The following MTMR3 variants were observed in gnomAD, a reference collection of about 807,000 sequenced individuals.
MTMR3 encodes the protein phosphatidylinositol-3,5-bisphosphate 3-phosphatase MTMR3.
MTMR3 carries 32 observed loss-of-function variants against 132.4 expected under a neutral mutation model. That is an observed-to-expected ratio of 0.24 (90% CI 0.18 to 0.32). The LOEUF (loss-of-function observed/expected upper bound fraction) is 0.32. Ranked by LOEUF, MTMR3 falls within the 10% of genes least tolerant of loss-of-function variation. MTMR3 has a pLI of 1.00. For synonymous variants in MTMR3, 556 were observed against 550.3 expected (o/e 1.01, Z -0.14); for missense variants, 1,216 against 1,489.6 (o/e 0.82, Z 3.02).
chr22:29,979,417 G>T (rs375007567), intron 5 of MTMR3: 3 of 214,504 alleles, frequency 1.4e-5, no homozygotes, highest in East Asian at 1.4e-4. Flanking sequence ...GCATGAACCC[G>T]GGAGGTGGAG....
chr22:29,957,397 A>G (rs1303783757), intron 2 of MTMR3, among the ~76,000 whole-genome samples: 2 of 150,228 alleles, frequency 1.3e-5, no homozygotes, highest in Non-Finnish European at 3.0e-5. Context: ...AAATAAATAG[A>G]TTTATCAATC....
At chr22:30,009,735 T>C (rs1178171706) in intron 12 of MTMR3, 1 of 152,240 alleles carries the variant, frequency 6.6e-6, no homozygotes, top group Non-Finnish European at 1.5e-5. Flanking sequence ...ACTGATTGAA[T>C]ACAAGATAAA....
At chr22:29,929,595 C>T (rs529990454) in intron 1 of MTMR3, among the ~76,000 whole-genome samples, 2 of 151,810 alleles carry the variant, frequency 1.3e-5, no homozygotes, top group South Asian at 2.1e-4. Flanking sequence ...CTGCAACCTC[C>T]GCCTCCCAGG....
At chr22:29,979,207 GC>G (rs755966880) in intron 5 of MTMR3, 155 bp downstream of exon 5, 50 of 565,874 alleles carry the variant, frequency 8.8e-5, no homozygotes, top group Non-Finnish European at 1.5e-4. Context: ...AGGAACACTG[GC>G]TTGGCCAGGC....
Position 29,898,912 on chromosome 22 carries a change from C to CTT in MTMR3, c.-138+15567_-138+15568dup, listed in dbSNP as rs199656050. On this transcript the variant is annotated intron_variant, in intron 1 of 19. Coordinates refer to ENST00000401950, the MANE Select transcript of MTMR3 (RefSeq NM_021090.4). ...GAAAATTTACAAAAATTTCTCACATCTTTTTTTTTTTTTTTAATGAAAGTA... is the reference window on the plus strand; with the variant it reads ...GAAAATTTACAAAAATTTCTCACATCTTTTTTTTTTTTTTTTTAATGAAAGTA... Among the ~76,000 whole-genome samples the CTT allele has an allele frequency of 8.1e-3, 1,156 of 143,022 alleles. 9 individuals carry two copies. The highest frequency in any genetic ancestry group is 0.028 in the South Asian group (126 of 4,494). The allele number at this position is 143,022 out of a possible 152,430, so 93.8% of individuals were successfully genotyped here.
In MTMR3 at chr22:29,999,826, A is replaced by G. The variant is rs1476012789; in HGVS notation, c.557+969A>G. The stretch of plus-strand genomic sequence containing the variant: ...CAGGAGTTCGAGACCAGCCCAGCCA[A>G]CATGGCGAAACACTGTCTCTACTAA... On this transcript the variant is annotated intron_variant, in intron 8 of 19. Transcript: ENST00000401950. 3.3e-5 allele frequency: 5 copies of G among 152,300 alleles called. No individual in the cohort carries two copies. The East Asian group carries it at 9.7e-4, about 30-fold the overall frequency. 9.4% of individuals were successfully genotyped at this position (152,300 alleles called of 1,614,324 possible).
At chr22:30,022,566 T>G in intron 18 of MTMR3, 43 bp from the exon 19 acceptor site, 1 of 1,548,262 alleles carries the variant, frequency 6.5e-7, no homozygotes, top group Non-Finnish European at 8.9e-7. Flanking sequence ...TCCAGCTGGA[T>G]GGCCCATCTC....
At chr22:29,972,001 A>G (rs998473678) in intron 3 of MTMR3, among the ~76,000 whole-genome samples, 5 of 152,238 alleles carry the variant, frequency 3.3e-5, no homozygotes. Context: ...AGAAAAAGTA[A>G]AACAAAAAAA....
chr22:29,927,152 TAAATA>T (rs892353991), intron 1 of MTMR3, among the ~76,000 whole-genome samples: 1 of 152,228 alleles, frequency 6.6e-6, no homozygotes, highest in African/African-American at 2.4e-5. Context: ...AAATAAATGT[TAAATA>T]AATTAACCAT....
intron 17 of MTMR3, 133 bp from the exon 18 acceptor site, chr22:30,021,896 T>TG (rs2067765934): frequency 1.5e-6 from 1 of 665,962 alleles, no homozygotes; most frequent in Non-Finnish European, 2.7e-6. Context: ...TGATGGCTGA[T>TG]GCATCTGCAG....
intron 1 of MTMR3, among the ~76,000 whole-genome samples, chr22:29,911,359 C>T (rs1056822710): frequency 2.6e-5 from 4 of 151,834 alleles, no homozygotes; most frequent in Non-Finnish European, 5.9e-5. Flanking sequence ...GCCTGGGCAA[C>T]GTAGGGAGAC....
chr22:29,972,740 T>C (rs2066560147), intron 3 of MTMR3, among the ~76,000 whole-genome samples: 1 of 152,258 alleles, frequency 6.6e-6, no homozygotes, highest in Middle Eastern at 3.4e-3. Flanking sequence ...TTAGCTAATT[T>C]TTGTATTTTC....
intron 1 of MTMR3, among the ~76,000 whole-genome samples, chr22:29,889,666 GT>G (rs930730681): frequency 6.6e-6 from 1 of 151,148 alleles, no homozygotes; most frequent in African/African-American, 2.4e-5. Context: ...TGGTATTTTT[GT>G]TTTTTTTCTT....
chr22:30,020,324 C>T lies in MTMR3; in HGVS notation c.2665C>T (p.Leu889=), dbSNP rs777081148. 11 of 1,614,078 alleles carry T rather than the reference C, an allele frequency of 6.8e-6. No individual in the cohort carries two copies. Among genetic ancestry groups the T allele is most frequent in the Non-Finnish European group, 9.3e-6 (11 of 1,180,040 alleles). ...TMEPSPSETS[L]VERPQVGSVV... is the part of the protein sequence containing the mutation. ...GGAACCCAGCCCTTCAGAGACAAGC[C>T]TGGTCGAGAGGCCCCAAGTGGGGTC... The change falls in exon 17 of 20, where the codon CTG becomes TTG. Residue 889 remains leucine (L), a synonymous_variant. Transcript: ENST00000401950.
chr22:29,920,107 G>C (rs933172410), intron 1 of MTMR3, among the ~76,000 whole-genome samples: 3 of 151,784 alleles, frequency 2.0e-5, no homozygotes, highest in Non-Finnish European at 2.9e-5. Context: ...CCAGCTACTC[G>C]GGAGGCTGAG....
At chr22:29,933,087 G>C (rs1008500766) in intron 1 of MTMR3, among the ~76,000 whole-genome samples, 11 of 152,210 alleles carry the variant, frequency 7.2e-5, no homozygotes, top group African/African-American at 2.4e-4. Context: ...TCCTGCTTCA[G>C]CCTCCCTAGT....
At chr22:30,013,571 A>AAGGGG in intron 14 of MTMR3, 30 bp downstream of exon 14, 1 of 1,603,812 alleles carries the variant, frequency 6.2e-7, no homozygotes, top group Non-Finnish European at 8.5e-7. Context: ...GGACTTTCTC[A>AAGGGG]ATTTGAAGGA....
intron 3 of MTMR3, among the ~76,000 whole-genome samples, chr22:29,975,416 AC>A (rs1291021067): frequency 6.6e-6 from 1 of 152,208 alleles, no homozygotes; most frequent in African/African-American, 2.4e-5. Context: ...TTAATAGATG[AC>A]AGGTAAATTC....
intron 1 of MTMR3, among the ~76,000 whole-genome samples, chr22:29,929,646 A>G (rs1463850076): frequency 6.6e-6 from 1 of 151,842 alleles, no homozygotes; most frequent in African/African-American, 2.4e-5. Flanking sequence ...AGTAGCTGGG[A>G]CTACAGTTGC....
Sources: gnomAD v4.1 joint callset for allele counts (sites outside exome capture counted in the v4.1 genomes callset) on GRCh38, gnomAD v4.1.1 for gene constraint, MANE v1.5 for transcripts, NCBI Gene and HGNC (gene_info 2026-07-23, HGNC 2026-07-21) for gene names.